SMG6: variants seen among roughly 807,000 people sequenced by gnomAD.
The protein encoded by SMG6 is SMG6 nonsense mediated mRNA decay factor.
A neutral mutation model predicts 142.2 loss-of-function variants in SMG6; 66 were observed. The observed-to-expected ratio is 0.46, with a 90% confidence interval of 0.38 to 0.57. SMG6 has a LOEUF of 0.57. Ranked by LOEUF, SMG6 falls within the 20% of genes least tolerant of loss-of-function variation. SMG6 has a pLI of 0.00. For missense variants in SMG6, 1,793 were observed against 1,832.0 expected (o/e 0.98, Z 0.39); for synonymous variants, 779 against 702.4 (o/e 1.11, Z -1.72).
intron 13 of SMG6, chr17:2,087,160 CTCA>C (rs1253383453): frequency 1.2e-5 from 15 of 1,290,374 alleles, no homozygotes; most frequent in South Asian, 4.9e-5. Context: ...AAGCCTAAAT[CTCA>C]TCGTTTTCGT....
chr17:2,246,176 G>A (rs1161094094), intron 8 of SMG6, among the ~76,000 whole-genome samples: 1 of 152,162 alleles, frequency 6.6e-6, no homozygotes, highest in African/African-American at 2.4e-5. Context: ...CAAAACAAGG[G>A]AGGGAAAAAA....
rs542693822 is a variant in SMG6, at chr17:2,257,661, T to C, written c.2662-12942A>G. On this transcript the variant is annotated intron_variant, in intron 8 of 18. Coordinates refer to ENST00000263073, the MANE Select transcript of SMG6 (RefSeq NM_017575.5). Reference sequence around the variant, plus strand: ...TTCTGCTCCTTAAATGTGATGAGTATGCTCCCAACTCGGGCCTTTGTATTT... The same window carrying C: ...TTCTGCTCCTTAAATGTGATGAGTACGCTCCCAACTCGGGCCTTTGTATTT... Among the ~76,000 whole-genome samples the C allele has an allele frequency of 3.9e-5, 6 of 152,178 alleles. No individual in the cohort carries two copies. The South Asian group carries it at 1.2e-3, about 32-fold the overall frequency.
At chr17:2,259,011 G>C (rs2074255568) in intron 8 of SMG6, among the ~76,000 whole-genome samples, 1 of 151,310 alleles carries the variant, frequency 6.6e-6, no homozygotes, top group Admixed American at 6.6e-5. Flanking sequence ...CCAGGAAGCG[G>C]AAGTTGCAGT....
intron 10 of SMG6, among the ~76,000 whole-genome samples, chr17:2,202,998 C>T (rs936015999): frequency 6.6e-6 from 1 of 152,150 alleles, no homozygotes; most frequent in Admixed American, 6.5e-5. Context: ...ATATAGGACT[C>T]CAGGGCCAAG....
intron 13 of SMG6, among the ~76,000 whole-genome samples, chr17:2,148,963 T>C (rs754426489): frequency 1.6e-4 from 24 of 151,330 alleles, no homozygotes; most frequent in Admixed American, 7.2e-4. Flanking sequence ...AGTGTTTGAG[T>C]TGGTGAAGAT....
chr17:2,192,160 G>A (rs1479414041), intron 10 of SMG6, among the ~76,000 whole-genome samples: 1 of 152,262 alleles, frequency 6.6e-6, no homozygotes, highest in East Asian at 1.9e-4. Context: ...AAGAGCAGGG[G>A]ATGGGAGGCA....
In SMG6 at chr17:2,105,026, C is replaced by T. The variant is rs1270318531; in HGVS notation, c.3358-19125G>A. Among the ~76,000 whole-genome samples the T allele has an allele frequency of 2.0e-5, 3 of 151,846 alleles. No individual in the cohort carries two copies. In the East Asian group the frequency reaches 5.8e-4, roughly 29 times the overall value. The stretch of plus-strand genomic sequence containing the variant: ...CAACCTCCCAGGTTCAAGTGATCCT[C>T]CCACTTCAGCCTCCTGAACATCTAG... On this transcript the variant is annotated intron_variant, in intron 13 of 18. Transcript: ENST00000263073.
chr17:2,110,929 A>G (rs2069297129), intron 13 of SMG6, among the ~76,000 whole-genome samples: 1 of 152,126 alleles, frequency 6.6e-6, no homozygotes, highest in Admixed American at 6.6e-5. Context: ...TGTGTAGGCT[A>G]TAGGTGTTAC....
intron 4 of SMG6, among the ~76,000 whole-genome samples, chr17:2,296,250 C>A (rs1166492818): frequency 6.6e-6 from 1 of 152,198 alleles, no homozygotes; most frequent in Non-Finnish European, 1.5e-5. Context: ...ACTACAAACA[C>A]CAGCATACTG....
intron 10 of SMG6, among the ~76,000 whole-genome samples, chr17:2,221,677 A>T (rs990788369): frequency 1.3e-5 from 2 of 152,258 alleles, no homozygotes; most frequent in Non-Finnish European, 2.9e-5. Context: ...GATTATGAGC[A>T]GTAACCTAGT....
chr17:2,088,081 G>C (rs2068613502), intron 13 of SMG6: 1 of 985,498 alleles, frequency 1.0e-6, no homozygotes, highest in Non-Finnish European at 1.2e-6. Flanking sequence ...ATTGTCCTTG[G>C]CCTCACCTGG....
At chr17:2,191,740 G>A (rs573609473) in intron 10 of SMG6, among the ~76,000 whole-genome samples, 4 of 152,230 alleles carry the variant, frequency 2.6e-5, no homozygotes, top group Admixed American at 1.3e-4. Context: ...ATACCGGCTC[G>A]GACAGAAATA....
intron 10 of SMG6, among the ~76,000 whole-genome samples, chr17:2,217,099 TGGACGTAG>T (rs1238102987): frequency 6.6e-6 from 1 of 152,192 alleles, no homozygotes; most frequent in Non-Finnish European, 1.5e-5. Flanking sequence ...CACAAGGTAC[TGGACGTAG>T]AAACAGGTTT....
At chr17:2,184,514 G>C (rs1407983708) in intron 12 of SMG6, among the ~76,000 whole-genome samples, 1 of 150,958 alleles carries the variant, frequency 6.6e-6, no homozygotes, top group Non-Finnish European at 1.5e-5. Flanking sequence ...AAAATTAGCT[G>C]GGTGTGGTAG....
At chr17:2,257,481 A>T (rs904890501) in intron 8 of SMG6, among the ~76,000 whole-genome samples, 1 of 152,166 alleles carries the variant, frequency 6.6e-6, no homozygotes, top group African/African-American at 2.4e-5. Flanking sequence ...TTCTGTCAGG[A>T]TTTAAGGATT....
At chr17:2,197,509 T>C (rs1395480933) in intron 10 of SMG6, among the ~76,000 whole-genome samples, 1 of 151,972 alleles carries the variant, frequency 6.6e-6, no homozygotes, top group Non-Finnish European at 1.5e-5. Flanking sequence ...AAGGCTGCAG[T>C]GACCCGTGAC....
At chr17:2,061,690 C>T in intron 18 of SMG6, 68 bp from the exon 19 acceptor site, 2 of 1,514,604 alleles carry the variant, frequency 1.3e-6, no homozygotes, top group Non-Finnish European at 1.8e-6. Context: ...GCTCTTCTCA[C>T]CCTGGAGAAT....
chr17:2,253,162 G>A (rs928747112), intron 8 of SMG6, among the ~76,000 whole-genome samples: 1 of 90,430 alleles, frequency 1.1e-5, no homozygotes, highest in Admixed American at 1.3e-4. Flanking sequence ...TTTATTTTGA[G>A]ATGGAGTCTC....
At chr17:2,064,187 C>T (rs1370642237) in intron 18 of SMG6, among the ~76,000 whole-genome samples, 2 of 152,122 alleles carry the variant, frequency 1.3e-5, no homozygotes, top group Non-Finnish European at 2.9e-5. Context: ...GACAAGAGAC[C>T]ACTTATAGGT....
Sources: allele counts gnomAD v4.1 joint callset (sites outside exome capture counted in the v4.1 genomes callset), GRCh38; gene constraint gnomAD v4.1.1; transcripts MANE v1.5; gene names NCBI Gene and HGNC (gene_info 2026-07-23, HGNC 2026-07-21).